HS6ST3: variants seen among roughly 807,000 people sequenced by gnomAD.
The protein encoded by HS6ST3 is heparan sulfate 6-O-sulfotransferase 3.
A neutral mutation model predicts 36.7 loss-of-function variants in HS6ST3; 12 were observed. The ratio of observed to expected loss-of-function variants is 0.33; its 90% CI spans 0.21 to 0.53. HS6ST3 has a LOEUF of 0.53. Among genes scored for constraint, HS6ST3 ranks in the 20% least tolerant of loss-of-function variants. HS6ST3 has a pLI of 0.95. For missense variants in HS6ST3, 584 were observed against 640.9 expected, an observed-to-expected ratio of 0.91 and a Z score of 0.96; for synonymous variants, 240 against 257.5, an observed-to-expected ratio of 0.93 and a Z score of 0.65.
At chr13:96,335,759 C>T (rs529204461) in intron 1 of HS6ST3, among the ~76,000 whole-genome samples, 2 of 152,206 alleles carry the variant, frequency 1.3e-5, no homozygotes, top group African/African-American at 4.8e-5. Flanking sequence ...CTTCAGGGTC[C>T]TCGTTGATAG....
intron 1 of HS6ST3, among the ~76,000 whole-genome samples, chr13:96,205,765 C>T (rs2054367025): frequency 6.6e-6 from 1 of 151,974 alleles, no homozygotes; most frequent in Admixed American, 6.6e-5. Flanking sequence ...ATTCAACATG[C>T]CTTCATGTTA....
chr13:96,295,124 G>A (rs1044619045), intron 1 of HS6ST3, among the ~76,000 whole-genome samples: 13 of 152,026 alleles, frequency 8.6e-5, no homozygotes, highest in Non-Finnish European at 7.4e-5. Flanking sequence ...GCTTTACTTC[G>A]CAGCTGTTTC....
chr13:96,453,733 A>G (rs539568853), intron 1 of HS6ST3, among the ~76,000 whole-genome samples: 9 of 152,298 alleles, frequency 5.9e-5, no homozygotes, highest in Admixed American at 5.2e-4. Context: ...TACGCCTGGA[A>G]ATCAAATGGA....
At chr13:96,272,661 A>G (rs1300477318) in intron 1 of HS6ST3, among the ~76,000 whole-genome samples, 2 of 152,016 alleles carry the variant, frequency 1.3e-5, no homozygotes, top group Non-Finnish European at 2.9e-5. Context: ...GGTTTTTTGC[A>G]TTGTGCTTAT....
At chr13:96,776,106 A>G (rs908105888) in intron 1 of HS6ST3, among the ~76,000 whole-genome samples, 8 of 152,212 alleles carry the variant, frequency 5.3e-5, no homozygotes, top group African/African-American at 1.9e-4. Context: ...TAAATAACGA[A>G]ATGAAGGCAG....
At chr13:96,185,936 G>A (rs1362301580) in intron 1 of HS6ST3, among the ~76,000 whole-genome samples, 3 of 152,052 alleles carry the variant, frequency 2.0e-5, no homozygotes. Flanking sequence ...ATTGTGCTGA[G>A]GTGCTAAAAA....
At chr13:96,377,731 A>G (rs1308019005) in intron 1 of HS6ST3, among the ~76,000 whole-genome samples, 2 of 152,212 alleles carry the variant, frequency 1.3e-5, no homozygotes, top group Non-Finnish European at 2.9e-5. Flanking sequence ...AAACAATGTA[A>G]GCATTGTTGT....
intron 1 of HS6ST3, among the ~76,000 whole-genome samples, chr13:96,314,578 G>A (rs1555297438): frequency 1.3e-5 from 2 of 151,934 alleles, no homozygotes; most frequent in Non-Finnish European, 2.9e-5. Context: ...CTTTGGAGAG[G>A]GTAGATATTT....
chr13:96,708,891 C>T, intron 1 of HS6ST3, among the ~76,000 whole-genome samples: 1 of 152,170 alleles, frequency 6.6e-6, no homozygotes, highest in Admixed American at 6.5e-5. Context: ...AGGTTGGATA[C>T]CCCTGTCCCT....
At chr13:96,484,537 T>C (rs964940894) in intron 1 of HS6ST3, among the ~76,000 whole-genome samples, 5 of 152,204 alleles carry the variant, frequency 3.3e-5, no homozygotes, top group Admixed American at 6.5e-5. Context: ...CAACTACCAT[T>C]GTACTCTTTG....
intron 1 of HS6ST3, among the ~76,000 whole-genome samples, chr13:96,538,263 A>T (rs1191051493): frequency 6.6e-6 from 1 of 152,270 alleles, no homozygotes; most frequent in Non-Finnish European, 1.5e-5. Context: ...TGAATAATTT[A>T]TGCAGTAAGT....
chr13:96,308,904 A>C (rs1430746932), intron 1 of HS6ST3, among the ~76,000 whole-genome samples: 1 of 152,148 alleles, frequency 6.6e-6, no homozygotes, highest in Non-Finnish European at 1.5e-5. Flanking sequence ...ATAGGAAATC[A>C]AGAAACTTCC....
intron 1 of HS6ST3, 146 bp downstream of exon 1, chr13:96,091,715 A>T: frequency 9.3e-7 from 1 of 1,074,574 alleles, no homozygotes; most frequent in South Asian, 1.7e-5. Context: ...TTGGGGAGGG[A>T]TGAGAAACCT....
intron 1 of HS6ST3, among the ~76,000 whole-genome samples, chr13:96,791,550 A>G (rs564958608): frequency 2.5e-4 from 38 of 152,092 alleles, no homozygotes; most frequent in Non-Finnish European, 4.6e-4. Flanking sequence ...TACCATAAAT[A>G]TACCAGGCTA....
chr13:96,691,569 T>A (rs899810355), intron 1 of HS6ST3, among the ~76,000 whole-genome samples: 2 of 152,012 alleles, frequency 1.3e-5, no homozygotes, highest in Admixed American at 6.6e-5. Context: ...CTTTATTTTA[T>A]CTTATTTTAT....
At chr13:96,399,765 A>T (rs989009122) in intron 1 of HS6ST3, among the ~76,000 whole-genome samples, 1 of 152,326 alleles carries the variant, frequency 6.6e-6, no homozygotes, top group African/African-American at 2.4e-5. Context: ...CTTTCAACAG[A>T]TGAGTTCTGA....
At chr13:96,166,853 G>T (rs913544688) in intron 1 of HS6ST3, among the ~76,000 whole-genome samples, 1 of 152,104 alleles carries the variant, frequency 6.6e-6, no homozygotes, top group Non-Finnish European at 1.5e-5. Context: ...AATCATGGGG[G>T]TGGTTTCTGC....
At chr13:96,267,774 T>A (rs2054699442) in intron 1 of HS6ST3, among the ~76,000 whole-genome samples, 1 of 152,004 alleles carries the variant, frequency 6.6e-6, no homozygotes, top group Admixed American at 6.6e-5. Flanking sequence ...AGTCAAGAAT[T>A]TCATGTGGTG....
chr13:96,651,137 C>A (rs1304316942), intron 1 of HS6ST3, among the ~76,000 whole-genome samples: 1 of 152,018 alleles, frequency 6.6e-6, no homozygotes, highest in Non-Finnish European at 1.5e-5. Flanking sequence ...TTCTTTCCTT[C>A]TAATTTTTCT....
Sources: allele counts gnomAD v4.1 joint callset (sites outside exome capture counted in the v4.1 genomes callset), GRCh38; gene constraint gnomAD v4.1.1; transcripts MANE v1.5; gene names NCBI Gene and HGNC (gene_info 2026-07-23, HGNC 2026-07-21).